TOPBP1: variants seen among roughly 807,000 people sequenced by gnomAD.
TOPBP1 encodes the protein DNA topoisomerase 2-binding protein 1.
A neutral mutation model predicts 167.7 loss-of-function variants in TOPBP1; 28 were observed. That is an observed-to-expected ratio of 0.17 (90% CI 0.12 to 0.23). The LOEUF (loss-of-function observed/expected upper bound fraction) is 0.23, where lower values mean the gene tolerates loss of function less well. Ranked by LOEUF, TOPBP1 falls within the 10% of genes least tolerant of loss-of-function variation. The probability of loss-of-function intolerance (pLI) is 1.00; values close to 1 mark genes in which losing one functional copy is unlikely to be tolerated. For synonymous variants in TOPBP1, 598 were observed against 611.4 expected, an observed-to-expected ratio of 0.98 and a Z score of 0.32; for missense variants, 1,554 against 1,809.6, an observed-to-expected ratio of 0.86 and a Z score of 2.56.
intron 16 of TOPBP1, among the ~76,000 whole-genome samples, chr3:133,626,205 T>C (rs1576293474): frequency 6.6e-6 from 1 of 152,350 alleles, no homozygotes; most frequent in South Asian, 2.1e-4. Context: ...CATTGCTGTA[T>C]TCCAATAAAA....
chr3:133,653,716 C>T (rs1936381060), intron 6 of TOPBP1, among the ~76,000 whole-genome samples, 192 bp from the exon 7 acceptor site: 1 of 151,692 alleles, frequency 6.6e-6, no homozygotes, highest in South Asian at 2.1e-4. Flanking sequence ...CAACCTCCAC[C>T]TCCCTCCTGA....
At chr3:133,629,361 T>C (rs910664341) in intron 14 of TOPBP1, among the ~76,000 whole-genome samples, 1 of 152,164 alleles carries the variant, frequency 6.6e-6, no homozygotes, top group African/African-American at 2.4e-5. Flanking sequence ...GCAAGTATAA[T>C]GATGCAATGA....
In TOPBP1 at chr3:133,643,254, C is replaced by A; in HGVS notation, c.1967G>T (p.Cys656Phe). The A allele has an allele frequency of 6.2e-7, 1 of 1,611,290 alleles. No individual in the cohort carries two copies. The highest frequency in any genetic ancestry group is 1.1e-5 in the South Asian group (1 of 90,588). Reference protein sequence around the residue: ...LEDCVISFSQCAGAEKESLTF... With the variant: ...LEDCVISFSQFAGAEKESLTF... ...TAAAGACTCTTTTTCTGCTCCAGCA[C>A]ACTGGCTAAATGAAATAACACAATC... Residue 656 changes from cysteine to phenylalanine, a missense_variant, in exon 12 of 28, where the codon TGT becomes TTT. Transcript: ENST00000260810.
intron 23 of TOPBP1, among the ~76,000 whole-genome samples, chr3:133,614,351 A>T (rs1934789308): frequency 6.6e-6 from 1 of 152,222 alleles, no homozygotes; most frequent in South Asian, 2.1e-4. Flanking sequence ...GTAAAATTCC[A>T]TATTAATATA....
chr3:133,613,433 C>T (rs1469293060), intron 23 of TOPBP1, among the ~76,000 whole-genome samples: 1 of 152,070 alleles, frequency 6.6e-6, no homozygotes, highest in Admixed American at 6.6e-5. Flanking sequence ...TCTCTTAAGT[C>T]TCAATTACAA....
intron 27 of TOPBP1, among the ~76,000 whole-genome samples, chr3:133,605,665 T>C (rs888052474): frequency 2.6e-5 from 4 of 152,134 alleles, no homozygotes; most frequent in African/African-American, 4.8e-5. Context: ...GAAGACCCTA[T>C]AGCTGGTGAA....
chr3:133,623,291 G>A lies in TOPBP1; in HGVS notation c.3075+20C>T. The A allele has an allele frequency of 6.2e-7, 1 of 1,613,306 alleles. No individual in the cohort carries two copies. The highest frequency in any genetic ancestry group is 8.5e-7 in the Non-Finnish European group (1 of 1,179,622). On this transcript the variant is annotated intron_variant, in intron 18 of 27. Coordinates refer to ENST00000260810, the MANE Select transcript of TOPBP1 (RefSeq NM_007027.4). ...ACCTTTAGCTTAAGAGGGGGTAAATGTATCATCCATATCTCCTACCTCATC... is the reference window on the plus strand; with the variant it reads ...ACCTTTAGCTTAAGAGGGGGTAAATATATCATCCATATCTCCTACCTCATC...
intron 23 of TOPBP1, among the ~76,000 whole-genome samples, chr3:133,616,126 T>C (rs1238768232): frequency 6.7e-6 from 1 of 150,164 alleles, no homozygotes; most frequent in African/African-American, 2.4e-5. Flanking sequence ...TTTTCCCTTT[T>C]TTTTTTTTTT....
chr3:133,654,830 T>C (rs1290598035), intron 6 of TOPBP1, among the ~76,000 whole-genome samples: 2 of 151,426 alleles, frequency 1.3e-5, no homozygotes, highest in Non-Finnish European at 2.9e-5. Flanking sequence ...AGAGAAAACA[T>C]CTTTGCAAGA....
At chr3:133,607,689 G>A (rs921796221) in intron 27 of TOPBP1, among the ~76,000 whole-genome samples, 3 of 152,058 alleles carry the variant, frequency 2.0e-5, no homozygotes, top group Admixed American at 6.6e-5. Context: ...ATCAACTATG[G>A]TATATTCAGA....
At chr3:133,661,489 G>T (rs1370178584) in intron 1 of TOPBP1, among the ~76,000 whole-genome samples, 2 of 152,334 alleles carry the variant, frequency 1.3e-5, no homozygotes, top group South Asian at 2.1e-4. Context: ...GGCCTGCGAG[G>T]TACGTTCATC....
intron 20 of TOPBP1, 142 bp from the exon 21 acceptor site, chr3:133,618,575 A>C: frequency 1.5e-6 from 1 of 650,236 alleles, no homozygotes; most frequent in Non-Finnish European, 2.5e-6. Flanking sequence ...ATATTAAATA[A>C]ATGAACCTAG....
chr3:133,626,044 T>C (rs1402530443), intron 16 of TOPBP1, among the ~76,000 whole-genome samples: 3 of 152,210 alleles, frequency 2.0e-5, no homozygotes, highest in Non-Finnish European at 4.4e-5. Context: ...TCAGTGGTTG[T>C]AGATGGTTTA....
intron 14 of TOPBP1, among the ~76,000 whole-genome samples, chr3:133,635,873 C>T (rs184464075): frequency 2.6e-5 from 4 of 151,992 alleles, no homozygotes; most frequent in Admixed American, 6.6e-5. Context: ...AAACTAGTAA[C>T]CAACTAAATG....
At chr3:133,617,761 ATT>A (rs1458785330) in intron 21 of TOPBP1, among the ~76,000 whole-genome samples, 1 of 152,146 alleles carries the variant, frequency 6.6e-6, no homozygotes, top group African/African-American at 2.4e-5. Flanking sequence ...AGATAGGAAA[ATT>A]TTGTTTTTAA....
intron 4 of TOPBP1, 26 bp downstream of exon 4, chr3:133,657,772 T>A: frequency 6.8e-7 from 1 of 1,481,226 alleles, no homozygotes; most frequent in South Asian, 1.4e-5. Flanking sequence ...TATAAATTGA[T>A]CAATCATCAT....
At chr3:133,653,599 G>T in intron 6 of TOPBP1, 75 bp from the exon 7 acceptor site, 9 of 1,238,884 alleles carry the variant, frequency 7.3e-6, no homozygotes, top group South Asian at 3.9e-5. Flanking sequence ...ATCTATCTTT[G>T]CAGAAATATT....
chr3:133,619,443 C>CTTG (rs1253091912), intron 20 of TOPBP1, among the ~76,000 whole-genome samples: 1 of 152,112 alleles, frequency 6.6e-6, no homozygotes, highest in Non-Finnish European at 1.5e-5. Context: ...ATTCTTATCA[C>CTTG]ACAATTATAG....
In TOPBP1 at chr3:133,643,424, G is replaced by A. The variant is rs867657490; in HGVS notation, c.1849-52C>T. On this transcript the variant is annotated intron_variant, in intron 11 of 27. Coordinates refer to ENST00000260810, the MANE Select transcript of TOPBP1 (RefSeq NM_007027.4). ...GCCAACCTGAAATAAGCAACCAGTG[G>A]TTAACACTGGTTCAGGTACAGAAGC... 1.1e-5 allele frequency: 16 copies of A among 1,440,338 alleles called. No homozygotes were observed. In the Middle Eastern group the frequency reaches 2.3e-3, roughly 208 times the overall value. 89.2% of individuals were successfully genotyped at this position (1,440,338 alleles called of 1,614,324 possible). A position where few individuals can be genotyped will look rare whatever the true frequency, so the allele number is the denominator to read the frequency against.
Sources: gnomAD v4.1 joint callset for allele counts (sites outside exome capture counted in the v4.1 genomes callset) on GRCh38, gnomAD v4.1.1 for gene constraint, MANE v1.5 for transcripts, NCBI Gene and HGNC (gene_info 2026-07-23, HGNC 2026-07-21) for gene names.